Variants in RHBDD1 observed in about 807,000 individuals in gnomAD.
The protein encoded by RHBDD1 is rhomboid domain containing 1.
RHBDD1 carries 38 observed loss-of-function variants against 36.3 expected under a neutral mutation model. That is an observed-to-expected ratio of 1.05 (90% CI 0.81 to 1.37). RHBDD1 has a LOEUF of 1.37. Ranked by LOEUF, RHBDD1 falls within the 40% of genes most tolerant of loss-of-function variation. The pLI is 0.00. For missense variants in RHBDD1, 393 were observed against 377.6 expected, an observed-to-expected ratio of 1.04 and a Z score of -0.34; for synonymous variants, 151 against 136.5, an observed-to-expected ratio of 1.11 and a Z score of -0.74.
intron 8 of RHBDD1, among the ~76,000 whole-genome samples, chr2:226,980,180 T>C (rs1385882116): frequency 6.6e-6 from 1 of 152,186 alleles, no homozygotes; most frequent in Non-Finnish European, 1.5e-5. Flanking sequence ...AACACACCCA[T>C]GAGCTAGATT....
At chr2:226,908,032 A>G (rs1384615170) in intron 6 of RHBDD1, among the ~76,000 whole-genome samples, 1 of 152,222 alleles carries the variant, frequency 6.6e-6, no homozygotes, top group Non-Finnish European at 1.5e-5. Context: ...TAATTTTTAA[A>G]GAGGATTTTC....
chr2:226,863,052 G>C (rs566339087), intron 3 of RHBDD1, among the ~76,000 whole-genome samples: 1 of 152,172 alleles, frequency 6.6e-6, no homozygotes, highest in African/African-American at 2.4e-5. Flanking sequence ...ACTGGGGATC[G>C]GATTTCAACA....
At chr2:226,908,768 T>G (rs1948272636) in intron 6 of RHBDD1, 54 bp from the exon 7 acceptor site, 2 of 1,165,336 alleles carry the variant, frequency 1.7e-6, no homozygotes, top group East Asian at 4.7e-5. Context: ...CTGGAACAAT[T>G]AGCATTTAAA....
At chr2:226,810,740 C>T in the RHBDD1 span, among the ~76,000 whole-genome samples, 1 of 151,908 alleles carries the variant, frequency 6.6e-6, no homozygotes, top group Non-Finnish European at 1.5e-5. Flanking sequence ...ATAAGAAAAA[C>T]GTGGATAAAT....
chr2:226,891,937 C>T (rs1407741807), intron 5 of RHBDD1, among the ~76,000 whole-genome samples: 4 of 152,142 alleles, frequency 2.6e-5, no homozygotes, highest in South Asian at 2.1e-4. Context: ...CAGTGCAGGT[C>T]GCATGCCTGT....
chr2:226,955,621 T>C (rs1951738747), intron 8 of RHBDD1, among the ~76,000 whole-genome samples: 1 of 152,228 alleles, frequency 6.6e-6, no homozygotes, highest in Non-Finnish European at 1.5e-5. Context: ...CAGAAGCTTG[T>C]TTCTCACTAT....
At chr2:226,884,543 G>A in intron 5 of RHBDD1, among the ~76,000 whole-genome samples, 1 of 151,864 alleles carries the variant, frequency 6.6e-6, no homozygotes, top group African/African-American at 2.4e-5. Context: ...ATAACACATG[G>A]GTCAAATAAA....
chr2:226,913,431 A>C (rs971419737), intron 7 of RHBDD1, among the ~76,000 whole-genome samples: 5 of 152,186 alleles, frequency 3.3e-5, no homozygotes, highest in Non-Finnish European at 7.3e-5. Context: ...CTTCCAAACA[A>C]ATTCTCTAAC....
At chr2:226,823,965 A>G in the RHBDD1 span, among the ~76,000 whole-genome samples, 7 of 152,174 alleles carry the variant, frequency 4.6e-5, no homozygotes. Context: ...ATCACACCCC[A>G]GTAGGCCCCA....
chr2:226,865,151 T>G (rs1200257229), intron 4 of RHBDD1, 25 bp downstream of exon 4: 1 of 1,561,576 alleles, frequency 6.4e-7, no homozygotes, highest in Admixed American at 1.8e-5. Flanking sequence ...ATTTTGAGGT[T>G]GCATGCATAA....
At chr2:226,983,677 C>T (rs951794424) in intron 8 of RHBDD1, among the ~76,000 whole-genome samples, 22 of 151,754 alleles carry the variant, frequency 1.4e-4, no homozygotes, top group African/African-American at 5.1e-4. Flanking sequence ...CTTTTTTTCA[C>T]GTGCAAAGGT....
chr2:226,996,944 A>G lies in RHBDD1; in HGVS notation c.*1422A>G, dbSNP rs1209861925. 2.0e-5 allele frequency: 3 copies of G among 152,186 alleles called. No homozygotes were observed. The highest frequency in any genetic ancestry group is 4.4e-5 in the Non-Finnish European group (3 of 68,036). 9.4% of individuals were successfully genotyped at this position (152,186 alleles called of 1,614,324 possible). A position where few individuals can be genotyped will look rare whatever the true frequency, so the allele number is the denominator to read the frequency against. On this transcript the variant is annotated 3_prime_UTR_variant, in exon 9 of 9. Coordinates refer to ENST00000392062, the MANE Select transcript of RHBDD1 (RefSeq NM_001167608.3). ...CAATTTTAAAGTCACCTGTAGCCCT[A>G]CCCTTAGAGGTACCCAGGGTTAACA...
chr2:226,914,452 G>GA, intron 8 of RHBDD1, 101 bp downstream of exon 8: 2 of 1,332,876 alleles, frequency 1.5e-6, no homozygotes, highest in Non-Finnish European at 2.0e-6. Context: ...AAACAGTTCA[G>GA]AAAAAGGATA....
chr2:226,984,696 T>G (rs984327709), intron 8 of RHBDD1, among the ~76,000 whole-genome samples: 4 of 152,198 alleles, frequency 2.6e-5, no homozygotes, highest in African/African-American at 9.6e-5. Context: ...AAGGAACCAC[T>G]GGTGCTGGAG....
chr2:226,984,751 C>T (rs948036653), intron 8 of RHBDD1, among the ~76,000 whole-genome samples: 1 of 152,118 alleles, frequency 6.6e-6, no homozygotes, highest in African/African-American at 2.4e-5. Flanking sequence ...AATTTATAAG[C>T]CCTGGTCTTG....
intron 8 of RHBDD1, among the ~76,000 whole-genome samples, chr2:226,992,927 T>C (rs1958586169): frequency 6.6e-6 from 1 of 152,180 alleles, no homozygotes; most frequent in South Asian, 2.1e-4. Flanking sequence ...ATGATTCTAT[T>C]GGGAGTGAAA....
chr2:226,869,205 T>C (rs1234921507), intron 5 of RHBDD1: 1 of 984,166 alleles, frequency 1.0e-6, no homozygotes, highest in Non-Finnish European at 1.2e-6. Context: ...ATATTCTTTG[T>C]GGAGGCACCG....
At chr2:226,958,700 T>TTG (rs1276613817) in intron 8 of RHBDD1, among the ~76,000 whole-genome samples, 2 of 118,536 alleles carry the variant, frequency 1.7e-5, no homozygotes, top group African/African-American at 6.3e-5. Flanking sequence ...TGAAGGATTT[T>TTG]TCTGTGTGTG....
At chr2:226,804,389 A>G in the RHBDD1 span, 2 of 152,246 alleles carry the variant, frequency 1.3e-5, no homozygotes, top group Admixed American at 1.3e-4. Context: ...ATGTAATTTT[A>G]TTCTTCCAGA....
Sources: allele counts gnomAD v4.1 joint callset (sites outside exome capture counted in the v4.1 genomes callset), GRCh38; gene constraint gnomAD v4.1.1; transcripts MANE v1.5; gene names NCBI Gene and HGNC (gene_info 2026-07-23, HGNC 2026-07-21).